Variants in FAAP100 observed in about 807,000 individuals in gnomAD.
The protein encoded by FAAP100 is Fanconi anemia core complex-associated protein 100.
In FAAP100, 46 loss-of-function variants were observed where a neutral mutation model predicts 65.8. That is an observed-to-expected ratio of 0.70 (90% CI 0.55 to 0.89). The LOEUF is 0.89. Among genes scored for constraint, FAAP100 ranks in the 40% least tolerant of loss-of-function variants. The pLI is 0.00. For synonymous variants in FAAP100, 663 were observed against 555.1 expected, an observed-to-expected ratio of 1.19 and a Z score of -2.73; for missense variants, 1,165 against 1,196.7, an observed-to-expected ratio of 0.97 and a Z score of 0.39.
At position 81,545,738 on chromosome 17, in the gene FAAP100, C is replaced by CT; in HGVS notation, c.2310+7dup. On this transcript the variant is annotated splice_region_variant and intron_variant, in intron 6 of 8. Coordinates refer to ENST00000327787, the MANE Select transcript of FAAP100 (RefSeq NM_025161.6). ...TGCCGTGGCTCGTTTCCCTGAACCC[C>CT]TGCTTGCCTCTCGGACGATGAGGTG... 6.2e-7 allele frequency: 1 copy of CT among 1,609,328 alleles called. No homozygotes were observed. The highest frequency in any genetic ancestry group is 8.5e-7 in the Non-Finnish European group (1 of 1,178,058).
intron 6 of FAAP100, among the ~76,000 whole-genome samples, chr17:81,544,327 A>G (rs1315497597): frequency 6.6e-6 from 1 of 152,212 alleles, no homozygotes; most frequent in Non-Finnish European, 1.5e-5. Context: ...CCACCAACCA[A>G]TGGCAAGAAC....
At chr17:81,546,809 G>A (rs1378741679) in intron 5 of FAAP100, 100 bp downstream of exon 5, 2 of 1,205,974 alleles carry the variant, frequency 1.7e-6, no homozygotes, top group Non-Finnish European at 2.2e-6. Flanking sequence ...AGCCATGATT[G>A]CACCACTGCA....
chr17:81,552,405 G>C (rs1366588051), upstream of FAAP100: 34 of 1,237,402 alleles, frequency 2.7e-5, no homozygotes, highest in Non-Finnish European at 3.5e-5. Flanking sequence ...CTTTACGGCA[G>C]CCCGCTGTGC....
intron 6 of FAAP100, among the ~76,000 whole-genome samples, chr17:81,544,514 C>T (rs926895138): frequency 6.6e-6 from 1 of 152,194 alleles, no homozygotes; most frequent in Non-Finnish European, 1.5e-5. Context: ...TCCGTCCCCC[C>T]ACACCAGGCA....
At position 81,540,968 on chromosome 17, in the gene FAAP100, ACAGCT is replaced by A; in HGVS notation, c.2515-23_2515-19del. On this transcript the variant is annotated intron_variant, in intron 8 of 8. Transcript: ENST00000327787. ...AGCAGTGTCTGCAGGTGAAGCAGAC[ACAGCT>A]CAGGCCCCCCACCTGGCCCTGGGGA... 6.4e-7 allele frequency: 1 copy of A among 1,563,916 alleles called. No homozygotes were observed. Among genetic ancestry groups the A allele is most frequent in the South Asian group, 1.2e-5 (1 of 86,088 alleles).
chr17:81,551,440 G>A (rs189590124), intron 2 of FAAP100, among the ~76,000 whole-genome samples: 3 of 152,354 alleles, frequency 2.0e-5, no homozygotes, highest in African/African-American at 4.8e-5. Context: ...GAACCGTCAG[G>A]CTGAGGCCCA....
At chr17:81,552,401 G>C (rs994983035), upstream of FAAP100, 3 of 1,256,026 alleles carry the variant, frequency 2.4e-6, no homozygotes, top group African/African-American at 4.7e-5. Context: ...AGCGCTTTAC[G>C]GCAGCCCGCT....
At position 81,550,888 on chromosome 17, in the gene FAAP100, T is replaced by C. The variant is rs752080319; in HGVS notation, c.606A>G (p.Pro202=). 15 of 1,612,446 alleles carry C rather than the reference T, an allele frequency of 9.3e-6. No homozygotes were observed. The highest frequency in any genetic ancestry group is 1.2e-5 in the Non-Finnish European group (14 of 1,179,858). Residue 202 remains proline (P), a synonymous_variant, in exon 3 of 9, where the codon CCA becomes CCG. Coordinates refer to ENST00000327787, the MANE Select transcript of FAAP100 (RefSeq NM_025161.6). Reference sequence around the variant, plus strand: ...GGTCGTGCGGGACCCTGGAGCCTGATGGTGACACAGAGCACAGCACTGGAA... The same window carrying C: ...GGTCGTGCGGGACCCTGGAGCCTGACGGTGACACAGAGCACAGCACTGGAA... ...HFLPVLCSVS[P]SGSRVPHDLL...
chr17:81,545,703 G>A (rs1426439281), intron 6 of FAAP100, 43 bp downstream of exon 6: 1 of 1,582,724 alleles, frequency 6.3e-7, no homozygotes, highest in Admixed American at 1.7e-5. Flanking sequence ...CCCACCCCAA[G>A]AACTGCTGGT....
chr17:81,543,153 A>C (rs2033179660), intron 7 of FAAP100, among the ~76,000 whole-genome samples: 1 of 152,204 alleles, frequency 6.6e-6, no homozygotes, highest in South Asian at 2.1e-4. Flanking sequence ...GCCACCTGCC[A>C]GGGCTGGGCA....
chr17:81,547,030 CCGA>C lies in FAAP100; in HGVS notation c.2049_2051del (p.Cys683_Arg684delinsTrp), dbSNP rs761062518. 3 of 1,552,942 alleles carry C rather than the reference CCGA, an allele frequency of 1.9e-6. No individual in the cohort carries two copies. The highest frequency in any genetic ancestry group is 2.6e-6 in the Non-Finnish European group (3 of 1,149,748). Reference sequence around the variant, plus strand: ...GTCCTGCTGGCTGGCTGCCAGGCTCCCGACAAGTTTCCAGAAAAGTGGCCACAG... The same window carrying C: ...GTCCTGCTGGCTGGCTGCCAGGCTCCCAAGTTTCCAGAAAAGTGGCCACAG... On this transcript the variant is annotated inframe_deletion, in exon 5 of 9. Transcript: ENST00000327787.
At chr17:81,542,190 A>ATT (rs2033131200) in intron 7 of FAAP100, among the ~76,000 whole-genome samples, 2 of 21,006 alleles carry the variant, frequency 9.5e-5, no homozygotes, top group African/African-American at 3.1e-4. Context: ...AAAAAAAAAA[A>ATT]AAAAAAAAAA....
At chr17:81,542,344 G>A (rs1454603662) in intron 7 of FAAP100, among the ~76,000 whole-genome samples, 4 of 151,700 alleles carry the variant, frequency 2.6e-5, no homozygotes, top group South Asian at 2.1e-4. Flanking sequence ...AGATCTCACC[G>A]CTGGACTGCA....
intron 4 of FAAP100, 121 bp from the exon 5 acceptor site, chr17:81,547,799 G>GCTCCAC: frequency 7.9e-7 from 1 of 1,265,378 alleles, no homozygotes; most frequent in Non-Finnish European, 1.1e-6. Context: ...GGTGGGTGTG[G>GCTCCAC]AGCCACGCCA....
In FAAP100 at chr17:81,547,072, GC is replaced by G. The variant is rs764394512; in HGVS notation, c.2009del (p.Gly670AlafsTer50). Reference sequence around the variant, plus strand: ...AAGTGGCCACAGGGTCTCGGGTGGGGCCGAGTGGGGAGGGGGCCCGTGTGTG... The same window carrying G: ...AAGTGGCCACAGGGTCTCGGGTGGGGCGAGTGGGGAGGGGGCCCGTGTGTG... ...PPHTRAPSPL[G>X]PTRDPVATFL... On this transcript the variant is annotated frameshift_variant, in exon 5 of 9. Coordinates refer to ENST00000327787, the MANE Select transcript of FAAP100 (RefSeq NM_025161.6). LOFTEE classifies it high-confidence loss of function. 1.3e-6 allele frequency: 2 copies of G among 1,543,478 alleles called. No individual in the cohort carries two copies. The highest frequency in any genetic ancestry group is 1.7e-6 in the Non-Finnish European group (2 of 1,145,360).
intron 4 of FAAP100, chr17:81,548,107 G>A (rs940699964): frequency 4.9e-6 from 3 of 616,734 alleles, no homozygotes; most frequent in Non-Finnish European, 8.8e-6. Context: ...AAACCAGGGG[G>A]GTCGCAGGCG....
chr17:81,542,072 CAGG>C (rs1467004849), intron 7 of FAAP100, among the ~76,000 whole-genome samples: 1 of 141,442 alleles, frequency 7.1e-6, no homozygotes, highest in African/African-American at 2.7e-5. Flanking sequence ...GAGGCTGAGG[CAGG>C]AGAATGGCGT....
intron 6 of FAAP100, among the ~76,000 whole-genome samples, chr17:81,544,374 C>T (rs2033220582): frequency 6.6e-6 from 1 of 152,226 alleles, no homozygotes; most frequent in African/African-American, 2.4e-5. Context: ...AAGACACCAT[C>T]CCTCAGACCT....
chr17:81,547,239 C>T lies in FAAP100; in HGVS notation c.1843G>A (p.Ala615Thr). 2 of 1,586,336 alleles carry T rather than the reference C, an allele frequency of 1.3e-6. No individual in the cohort carries two copies. Among genetic ancestry groups the T allele is most frequent in the Non-Finnish European group, 1.7e-6 (2 of 1,163,526 alleles). The change falls in exon 5 of 9, where the codon GCC (alanine) becomes ACC (threonine). Residue 615 changes from alanine (A) to threonine (T), a missense_variant. Ala to Thr is a moderately conservative substitution (Grantham distance 58). Coordinates refer to ENST00000327787, the MANE Select transcript of FAAP100 (RefSeq NM_025161.6). ...AAGGGGTCCTCAGAGTCTGAGGGGG[C>T]AAGGGCCCCGCCCACCACCTCCCTG... is the stretch of plus-strand genomic sequence containing the variant. Reference protein sequence around the residue: ...SLREVVGGALAPSDSEDPFLD... With the variant: ...SLREVVGGALTPSDSEDPFLD...
Sources: gnomAD v4.1 joint callset for allele counts (sites outside exome capture counted in the v4.1 genomes callset) on GRCh38, gnomAD v4.1.1 for gene constraint, MANE v1.5 for transcripts, NCBI Gene and HGNC (gene_info 2026-07-23, HGNC 2026-07-21) for gene names.